PHTF2: variants seen among roughly 807,000 people sequenced by gnomAD.
The protein encoded by PHTF2 is putative homeodomain transcription factor 2, also known as protein PHTF2.
A neutral mutation model predicts 101.2 loss-of-function variants in PHTF2; 60 were observed. The ratio of observed to expected loss-of-function variants is 0.59; its 90% CI spans 0.48 to 0.73. The LOEUF is 0.73. PHTF2 is among the 30% of genes least tolerant of loss of function. The probability of loss-of-function intolerance (pLI) is 0.00; values close to 1 mark genes in which losing one functional copy is unlikely to be tolerated. For missense variants in PHTF2, 747 were observed against 908.7 expected, an observed-to-expected ratio of 0.82 and a Z score of 2.29; for synonymous variants, 311 against 307.3, an observed-to-expected ratio of 1.01 and a Z score of -0.13.
chr7:77,932,247 T>G (rs1046094250), intron 12 of PHTF2, among the ~76,000 whole-genome samples: 4 of 151,948 alleles, frequency 2.6e-5, no homozygotes, highest in African/African-American at 9.7e-5. Flanking sequence ...AGAAAACAGG[T>G]AGGGAAGAAT....
Position 77,809,224 on chromosome 7 carries a change from G to GTTTTTTTTTTTTTTTTTTTT in PHTF2, c.-36+10254_-36+10273dup, listed in dbSNP as rs34141515. On this transcript the variant is annotated intron_variant, in intron 1 of 19. Coordinates refer to ENST00000416283, the Ensembl canonical transcript of PHTF2. ...TTTTCCTATATAAACCCAGTTCGTT[G>GTTTTTTTTTTTTTTTTTTTT]TTTTTTTTTTTTTTTTTTTTGAGAT... 2.6e-4 allele frequency among the ~76,000 whole-genome samples: 26 copies of GTTTTTTTTTTTTTTTTTTTT among 98,490 alleles called. 1 individual carries two copies. Among genetic ancestry groups the GTTTTTTTTTTTTTTTTTTTT allele is most frequent in the Non-Finnish European group, 4.3e-4 (22 of 51,704 alleles). 64.6% of individuals were successfully genotyped at this position (98,490 alleles called of 152,430 possible).
intron 1 of PHTF2, among the ~76,000 whole-genome samples, chr7:77,838,015 A>C (rs1295285788): frequency 2.6e-5 from 4 of 152,192 alleles, no homozygotes; most frequent in Non-Finnish European, 5.9e-5. Context: ...GGTAAAGTGA[A>C]AAGTTGATAT....
At chr7:77,858,665 TA>T (rs1161822411) in intron 3 of PHTF2, among the ~76,000 whole-genome samples, 3 of 151,342 alleles carry the variant, frequency 2.0e-5, no homozygotes, top group Admixed American at 6.6e-5. Context: ...TTTTTTTTTT[TA>T]AAGATAGGGT....
chr7:77,916,990 A>G (rs1802990693), intron 9 of PHTF2, among the ~76,000 whole-genome samples: 1 of 152,100 alleles, frequency 6.6e-6, no homozygotes, highest in South Asian at 2.1e-4. Flanking sequence ...TTTAGCATCT[A>G]TAGATTATTC....
chr7:77,928,888 A>C (rs1435197348), intron 11 of PHTF2, among the ~76,000 whole-genome samples: 3 of 152,264 alleles, frequency 2.0e-5, no homozygotes, highest in Non-Finnish European at 4.4e-5. Context: ...TATGCAAAGT[A>C]ATATCTGAGC....
At chr7:77,873,561 C>T (rs1798698285) in intron 3 of PHTF2, among the ~76,000 whole-genome samples, 1 of 152,162 alleles carries the variant, frequency 6.6e-6, no homozygotes, top group African/African-American at 2.4e-5. Flanking sequence ...TATCTTGCCT[C>T]ACAGCTGCCT....
At chr7:77,895,037 C>T in intron 5 of PHTF2, 1 of 360,174 alleles carries the variant, frequency 2.8e-6, no homozygotes, top group Non-Finnish European at 5.4e-6. Context: ...AGATTTTAAG[C>T]AGAAGATTAT....
chr7:77,816,486 GAC>G (rs1196740998), intron 1 of PHTF2, among the ~76,000 whole-genome samples: 1 of 152,118 alleles, frequency 6.6e-6, no homozygotes, highest in Non-Finnish European at 1.5e-5. Flanking sequence ...TTTATTAATT[GAC>G]ACATAATGTA....
chr7:77,830,987 C>T (rs960486049), intron 1 of PHTF2, among the ~76,000 whole-genome samples: 4 of 152,176 alleles, frequency 2.6e-5, no homozygotes, highest in Non-Finnish European at 5.9e-5. Context: ...AGGGGGAAGA[C>T]CCAATGATGA....
intron 3 of PHTF2, among the ~76,000 whole-genome samples, chr7:77,887,199 A>G (rs1423477993): frequency 2.0e-5 from 3 of 152,130 alleles, no homozygotes; most frequent in African/African-American, 7.2e-5. Context: ...TATTTAATAT[A>G]GCATATTAGC....
chr7:77,895,416 G>A (rs1271096186), intron 5 of PHTF2, among the ~76,000 whole-genome samples: 1 of 152,132 alleles, frequency 6.6e-6, no homozygotes, highest in East Asian at 1.9e-4. Flanking sequence ...GTATGAAGAA[G>A]AGTTGGGATA....
chr7:77,943,636 A>T (rs1475606667), intron 16 of PHTF2, among the ~76,000 whole-genome samples: 1 of 152,196 alleles, frequency 6.6e-6, no homozygotes, highest in Non-Finnish European at 1.5e-5. Context: ...ACGTATTAAA[A>T]TTTTAAAAAC....
chr7:77,840,268 G>A (rs1262209566), exon 2 of PHTF2: 2 of 1,609,940 alleles, frequency 1.2e-6, no homozygotes, highest in South Asian at 2.2e-5. Context: ...GGCGTCCAAA[G>A]TCACAGATGC....
At chr7:77,858,106 G>C (rs541685417) in intron 3 of PHTF2, among the ~76,000 whole-genome samples, 1 of 152,294 alleles carries the variant, frequency 6.6e-6, no homozygotes, top group South Asian at 2.1e-4. Flanking sequence ...TTCAGTCACT[G>C]ATCATGTTTT....
intron 2 of PHTF2, among the ~76,000 whole-genome samples, chr7:77,841,371 C>T (rs1442380078): frequency 4.6e-5 from 7 of 152,116 alleles, no homozygotes; most frequent in East Asian, 1.9e-4. Flanking sequence ...TGAGCCACCG[C>T]GCCCAGCCAA....
At chr7:77,851,723 A>G (rs1006172525) in intron 2 of PHTF2, among the ~76,000 whole-genome samples, 2 of 147,320 alleles carry the variant, frequency 1.4e-5, no homozygotes, top group African/African-American at 5.0e-5. Flanking sequence ...CTGAACTTTT[A>G]TTATTTATTT....
intron 1 of PHTF2, among the ~76,000 whole-genome samples, chr7:77,802,708 A>G (rs116376261): frequency 0.021 from 3,155 of 152,102 alleles, 87 homozygotes; most frequent in African/African-American, 0.071. Context: ...CTAATGTTTT[A>G]ATTTTTATTT....
intron 1 of PHTF2, among the ~76,000 whole-genome samples, chr7:77,833,268 G>GT (rs1014427520): frequency 6.6e-6 from 1 of 152,200 alleles, no homozygotes; most frequent in Non-Finnish European, 1.5e-5. Flanking sequence ...GTAGAAAAAT[G>GT]TTGAAAGTAT....
At chr7:77,866,203 AATT>A (rs1798053509) in intron 3 of PHTF2, among the ~76,000 whole-genome samples, 1 of 151,810 alleles carries the variant, frequency 6.6e-6, no homozygotes, top group South Asian at 2.1e-4. Context: ...AAAAAAAAAA[AATT>A]ATTAAACGTA....
Sources: gnomAD v4.1 joint callset for allele counts (sites outside exome capture counted in the v4.1 genomes callset) on GRCh38, gnomAD v4.1.1 for gene constraint, MANE v1.5 for transcripts, NCBI Gene and HGNC (gene_info 2026-07-23, HGNC 2026-07-21) for gene names.